Variants in PHLDB2 observed in about 807,000 individuals in gnomAD.
PHLDB2 encodes the protein pleckstrin homology-like domain family B member 2.
Under a neutral mutation model 123.6 loss-of-function variants are expected in PHLDB2, and 71 were observed. The observed-to-expected ratio is 0.57, with a 90% CI of 0.47 to 0.70. The LOEUF is 0.70. Among genes scored for constraint, PHLDB2 ranks in the 30% least tolerant of loss-of-function variants. The pLI is 0.00. For missense variants in PHLDB2, 1,446 were observed against 1,519.5 expected, an observed-to-expected ratio of 0.95 and a Z score of 0.80; for synonymous variants, 547 against 541.6, an observed-to-expected ratio of 1.01 and a Z score of -0.14.
At chr3:111,911,261 G>C (rs984627510) in intron 2 of PHLDB2, among the ~76,000 whole-genome samples, 6 of 152,168 alleles carry the variant, frequency 3.9e-5, no homozygotes, top group Admixed American at 1.3e-4. Context: ...TTATGCCAAG[G>C]CTAATGTATA....
chr3:111,866,344 C>T (rs1036205181), intron 1 of PHLDB2, among the ~76,000 whole-genome samples: 4 of 151,930 alleles, frequency 2.6e-5, no homozygotes, highest in Admixed American at 1.3e-4. Flanking sequence ...TGATGTAAAG[C>T]GAAATGCATT....
intron 8 of PHLDB2, among the ~76,000 whole-genome samples, chr3:111,941,876 A>G (rs889757557): frequency 2.6e-5 from 4 of 152,188 alleles, no homozygotes; most frequent in Non-Finnish European, 5.9e-5. Flanking sequence ...ACATAGAATT[A>G]TAAGCCCATT....
At chr3:111,897,396 A>T (rs1309999151) in intron 2 of PHLDB2, among the ~76,000 whole-genome samples, 1 of 152,100 alleles carries the variant, frequency 6.6e-6, no homozygotes, top group Non-Finnish European at 1.5e-5. Flanking sequence ...CAGGGTTCTG[A>T]GTTATACTTA....
intron 1 of PHLDB2, among the ~76,000 whole-genome samples, chr3:111,843,595 T>C (rs1406028200): frequency 6.6e-6 from 1 of 152,196 alleles, no homozygotes; most frequent in Non-Finnish European, 1.5e-5. Context: ...TCTCTCTATG[T>C]TGCCTGGGCT....
chr3:111,810,465 A>G (rs1481191630), intron 1 of PHLDB2, among the ~76,000 whole-genome samples: 1 of 152,142 alleles, frequency 6.6e-6, no homozygotes, highest in African/African-American at 2.4e-5. Context: ...CCTGGCTTGC[A>G]GACAGCCCCC....
chr3:111,733,564 T>A (rs570766644), intron 1 of PHLDB2, among the ~76,000 whole-genome samples: 2 of 152,190 alleles, frequency 1.3e-5, no homozygotes, highest in African/African-American at 4.8e-5. Context: ...TGCCACTCTA[T>A]GTACAAAGCT....
At chr3:111,738,328 C>T (rs554586710) in intron 1 of PHLDB2, among the ~76,000 whole-genome samples, 1 of 152,226 alleles carries the variant, frequency 6.6e-6, no homozygotes, top group South Asian at 2.1e-4. Flanking sequence ...GCATCCTAGG[C>T]CTGACATCAT....
At chr3:111,767,978 G>A (rs2060111804) in intron 1 of PHLDB2, among the ~76,000 whole-genome samples, 1 of 152,162 alleles carries the variant, frequency 6.6e-6, no homozygotes, top group Non-Finnish European at 1.5e-5. Flanking sequence ...GGTAGGATGT[G>A]ATAAAGGTTG....
Position 111,911,739 on chromosome 3 carries a change from G to A in PHLDB2, c.1336-1580G>A, listed in dbSNP as rs774123487. On this transcript the variant is annotated intron_variant, in intron 2 of 17. Coordinates refer to ENST00000431670, the MANE Select transcript of PHLDB2 (RefSeq NM_001134438.2). Reference sequence around the variant, plus strand: ...GTGAAAGGGAGGTGCGAGCTTGTAGGAACTAGTTTATTAGTCCTTTTGATC... The same window carrying A: ...GTGAAAGGGAGGTGCGAGCTTGTAGAAACTAGTTTATTAGTCCTTTTGATC... The A allele has an allele frequency of 3.9e-6, 6 of 1,531,504 alleles. No homozygotes were observed. In the South Asian group the frequency reaches 4.8e-5, roughly 12 times the overall value. 94.9% of individuals were successfully genotyped at this position (1,531,504 alleles called of 1,614,324 possible). A position where few individuals can be genotyped will look rare whatever the true frequency, so the allele number is the denominator to read the frequency against.
rs558604836 is a variant in PHLDB2 at position 111,880,733 on chromosome 3, T to G, written c.-14-3331T>G. Among the ~76,000 whole-genome samples, 5 of 152,106 alleles carry G rather than the reference T, an allele frequency of 3.3e-5. No homozygotes were observed. The East Asian group carries it at 9.7e-4, about 29-fold the overall frequency. On this transcript the variant is annotated intron_variant, in intron 1 of 17. Coordinates refer to ENST00000431670, the MANE Select transcript of PHLDB2 (RefSeq NM_001134438.2). The stretch of plus-strand genomic sequence containing the variant: ...TTTTTCTGCGTTAAAAACCTGTTCA[T>G]CCAAGTGCTTGGGAGTTGATTAAAA...
intron 1 of PHLDB2, chr3:111,732,779 G>A: frequency 7.7e-7 from 1 of 1,290,552 alleles, no homozygotes; most frequent in Non-Finnish European, 1.1e-6. Context: ...CGTCACCAGA[G>A]TGTTTCTGAG....
chr3:111,871,649 A>C lies in PHLDB2; in HGVS notation c.-15+12073A>C, dbSNP rs189798167. Among the ~76,000 whole-genome samples, 97 of 99,048 alleles carry C rather than the reference A, an allele frequency of 9.8e-4. 2 individuals carry two copies. The East Asian group carries it at 0.029, about 29-fold the overall frequency. 65.0% of individuals were successfully genotyped at this position (99,048 alleles called of 152,430 possible). ...AGCCTGGGTGACAGACCCTGTTAAA[A>C]AAACAAACAAACAAAAAAAACTCCA... On this transcript the variant is annotated intron_variant, in intron 1 of 17. Transcript: ENST00000431670.
At chr3:111,927,526 G>A (rs2068880536) in intron 5 of PHLDB2, among the ~76,000 whole-genome samples, 1 of 152,176 alleles carries the variant, frequency 6.6e-6, no homozygotes, top group African/African-American at 2.4e-5. Flanking sequence ...AATTACAAAA[G>A]TGGATTTTAA....
In PHLDB2 at chr3:111,945,082, G is replaced by A. The variant is rs1000880989; in HGVS notation, c.2398-186G>A. 1.8e-4 allele frequency among the ~76,000 whole-genome samples: 27 copies of A among 152,162 alleles called. 1 individual carries two copies. Among genetic ancestry groups the A allele is most frequent in the African/African-American group, 5.8e-4 (24 of 41,438 alleles). Reference sequence around the variant, plus strand: ...AGTATGTTTGGAAACAACTCATGCAGCATATCAGCTAGCAGAAGATGACCT... The same window carrying A: ...AGTATGTTTGGAAACAACTCATGCAACATATCAGCTAGCAGAAGATGACCT... On this transcript the variant is annotated intron_variant, in intron 8 of 17. Coordinates refer to ENST00000431670, the MANE Select transcript of PHLDB2 (RefSeq NM_001134438.2).
rs2072444155 is a variant in PHLDB2 at position 111,974,729 on chromosome 3, G to A, written c.*166G>A. The A allele has an allele frequency of 6.6e-6, 4 of 607,582 alleles. No homozygotes were observed. The highest frequency in any genetic ancestry group is 1.2e-4 in the South Asian group (2 of 16,262). 37.6% of individuals were successfully genotyped at this position (607,582 alleles called of 1,614,324 possible). ...AAGTTATTTGTAAAAAATAAAGAAG[G>A]GGTTTTAATACAAACCTTCATAATA... On this transcript the variant is annotated 3_prime_UTR_variant, in exon 18 of 18. Transcript: ENST00000431670.
chr3:111,903,821 G>T (rs1045681689), intron 2 of PHLDB2, among the ~76,000 whole-genome samples: 1 of 152,130 alleles, frequency 6.6e-6, no homozygotes, highest in Admixed American at 6.5e-5. Context: ...ATCCCAAGGG[G>T]AGGCACTAAT....
chr3:111,940,490 G>C, intron 7 of PHLDB2, 45 bp from the exon 8 acceptor site: 1 of 1,134,048 alleles, frequency 8.8e-7, no homozygotes, highest in South Asian at 1.6e-5. Context: ...GCAAACCTTT[G>C]AGTGTCTAAT....
At chr3:111,805,751 G>A (rs2061553933) in intron 1 of PHLDB2, among the ~76,000 whole-genome samples, 1 of 148,412 alleles carries the variant, frequency 6.7e-6, no homozygotes, top group Non-Finnish European at 1.5e-5. Context: ...GCCAGGGGTG[G>A]TGAGTGGGAG....
At chr3:111,780,412 A>AAGAAGGAGAAGAAGAAGAAGAAGAAG (rs1326616017) in intron 1 of PHLDB2, among the ~76,000 whole-genome samples, 1 of 116,680 alleles carries the variant, frequency 8.6e-6, no homozygotes, top group African/African-American at 3.4e-5. Context: ...AGAAGAAGAA[A>AAGAAGGAGAAGAAGAAGAAGAAGAAG]AAGATTAGTT....
Sources: gnomAD v4.1 joint callset for allele counts (sites outside exome capture counted in the v4.1 genomes callset) on GRCh38, gnomAD v4.1.1 for gene constraint, MANE v1.5 for transcripts, NCBI Gene and HGNC (gene_info 2026-07-23, HGNC 2026-07-21) for gene names.